Variants in COL9A3 observed in about 807,000 individuals in gnomAD.
COL9A3 encodes collagen alpha-3(IX) chain.
Under a neutral mutation model 110.2 loss-of-function variants are expected in COL9A3, and 82 were observed. The ratio of observed to expected loss-of-function variants is 0.74; its 90% CI spans 0.62 to 0.89. The LOEUF is 0.89. COL9A3 is among the 40% of genes least tolerant of loss of function. The pLI is 0.00. For missense variants in COL9A3, 1,066 were observed against 981.3 expected (o/e 1.09, Z -1.15); for synonymous variants, 494 against 403.8 (o/e 1.22, Z -2.68).
chr20:62,817,046 G>A (rs751309225), upstream of COL9A3: 12 of 1,305,812 alleles, frequency 9.2e-6, no homozygotes, highest in Non-Finnish European at 1.2e-5. Flanking sequence ...CGACGCCGCA[G>A]CTCAGACTCC....
intron 5 of COL9A3, among the ~76,000 whole-genome samples, chr20:62,820,825 G>A (rs2063506924): frequency 6.6e-6 from 1 of 152,190 alleles, no homozygotes; most frequent in Admixed American, 6.5e-5. Flanking sequence ...AAGGCTCTGG[G>A]GCTCGCTGAC....
Position 62,829,706 on chromosome 20 carries a change from C to T in COL9A3, c.1107+25C>T, listed in dbSNP as rs779517816. 5.6e-6 allele frequency: 9 copies of T among 1,602,036 alleles called. No homozygotes were observed. In the South Asian group the frequency reaches 9.0e-5, roughly 16 times the overall value. ...TGTGAGTATCTGCGGCGCCCCAGAC[C>T]CCTCCCCATCCAGCCTGTGTGCAGA... On this transcript the variant is annotated intron_variant, in intron 21 of 31. Coordinates refer to ENST00000649368, the MANE Select transcript of COL9A3 (RefSeq NM_001853.4).
rs2147205679 is a variant in COL9A3, at chr20:62,824,515, G to A, written c.576+14G>A. 6.3e-7 allele frequency: 1 copy of A among 1,581,032 alleles called. No individual in the cohort carries two copies. The highest frequency in any genetic ancestry group is 2.3e-5 in the East Asian group (1 of 43,150). On this transcript the variant is annotated intron_variant, in intron 11 of 31. Coordinates refer to ENST00000649368, the MANE Select transcript of COL9A3 (RefSeq NM_001853.4). ...CCAGGGTTCAAGGTGAGTCACGGGTGACTGGGACCCAAGCACCACCCTGTG... is the reference window on the plus strand; with the variant it reads ...CCAGGGTTCAAGGTGAGTCACGGGTAACTGGGACCCAAGCACCACCCTGTG...
chr20:62,825,158 A>AGGGGCTGGGCTCCGGCGGGGGGGG (rs2063542356), intron 12 of COL9A3, 137 bp downstream of exon 12: 2 of 7,008 alleles, frequency 2.9e-4, no homozygotes. Context: ...GGCGGGAGGG[A>AGGGGCTGGGCTCCGGCGGGGGGGG]GGGGCTGGGC....
At position 62,833,038 on chromosome 20, in the gene COL9A3, G is replaced by C. The variant is rs745504325; in HGVS notation, c.1342G>C (p.Gly448Arg). The C allele has an allele frequency of 6.2e-7, 1 of 1,613,710 alleles. No homozygotes were observed. The highest frequency in any genetic ancestry group is 1.3e-5 in the African/African-American group (1 of 74,912). The change falls in exon 26 of 32, where the codon GGT (glycine) becomes CGT (arginine). Residue 448 changes from glycine (G) to arginine (R), a missense_variant. Gly to Arg is a moderately radical substitution (Grantham distance 125). Transcript: ENST00000649368. ...TTTTCAGGGTATTGCAGGTTCCGAC[G>C]GTCTTCCTGGGGATAAAGGAGAACT... ...KGDQGIAGSDGLPGDKGELGP... is the reference protein window; with the variant it reads ...KGDQGIAGSDRLPGDKGELGP...
At chr20:62,833,878 G>C (rs1278315629) in intron 26 of COL9A3, among the ~76,000 whole-genome samples, 1 of 119,182 alleles carries the variant, frequency 8.4e-6, no homozygotes, top group Non-Finnish European at 1.7e-5. Flanking sequence ...TGTTTTGGGG[G>C]GTTTTGTTTG....
chr20:62,823,047 C>T (rs1049867136), intron 10 of COL9A3, among the ~76,000 whole-genome samples: 1 of 152,028 alleles, frequency 6.6e-6, no homozygotes, highest in African/African-American at 2.4e-5. Flanking sequence ...GAAAAGAAAA[C>T]AGGCTCAGGT....
At chr20:62,817,168 G>A in intron 1 of COL9A3, 26 bp downstream of exon 1, 4 of 1,365,330 alleles carry the variant, frequency 2.9e-6, no homozygotes, top group Non-Finnish European at 3.8e-6. Context: ...GGGCTCTGAG[G>A]CTGGACGTGG....
intron 2 of COL9A3, 133 bp from the exon 3 acceptor site, chr20:62,818,385 C>T: frequency 1.2e-6 from 1 of 865,886 alleles, no homozygotes; most frequent in African/African-American, 1.6e-5. Context: ...ATCGGGGGCT[C>T]AGGGGCCCCT....
At chr20:62,828,882 C>A in intron 18 of COL9A3, 41 bp from the exon 19 acceptor site, 1 of 1,612,320 alleles carries the variant, frequency 6.2e-7, no homozygotes, top group Non-Finnish European at 8.5e-7. Flanking sequence ...CCTCCCGAGG[C>A]CTCAGCCTCC....
Position 62,819,225 on chromosome 20 carries a change from CCAAAGGGGG to C in COL9A3, c.189_197del (p.Lys64_Ala66del). ...TCTGCCCTTTCCTCCTGCACAGGGACCAAAGGGGGCCCCAGGAAAGCCGGGGAAACCAGG... is the reference window on the plus strand; with the variant it reads ...TCTGCCCTTTCCTCCTGCACAGGGACCCCCAGGAAAGCCGGGGAAACCAGG... On this transcript the variant is annotated inframe_deletion, in exon 4 of 32. Transcript: ENST00000649368. 6.2e-7 allele frequency: 1 copy of C among 1,612,690 alleles called. No individual in the cohort carries two copies. Among genetic ancestry groups the C allele is most frequent in the East Asian group, 2.2e-5 (1 of 44,850 alleles).
At chr20:62,823,723 ACCTGTTG>A (rs1277566970) in intron 10 of COL9A3, among the ~76,000 whole-genome samples, 3 of 152,230 alleles carry the variant, frequency 2.0e-5, no homozygotes, top group Non-Finnish European at 2.9e-5. Context: ...TGAGCATCAG[ACCTGTTG>A]CCTGGGCTCA....
chr20:62,827,596 G>A (rs542703782), intron 16 of COL9A3, among the ~76,000 whole-genome samples: 1 of 152,348 alleles, frequency 6.6e-6, no homozygotes, highest in South Asian at 2.1e-4. Flanking sequence ...CTCTCGGGTT[G>A]AGCAAGTGAA....
chr20:62,837,243 G>A lies in COL9A3; in HGVS notation c.1764G>A (p.Glu588=). The change falls in exon 30 of 32, where the codon GAG becomes GAA. Residue 588 remains glutamate (E), a synonymous_variant. Transcript: ENST00000649368. ...CTGGATACCGCGGTCCCACTGGGGAGCTGGGAGACCCCGGGCCCAGAGGTG... is the reference window on the plus strand; with the variant it reads ...CTGGATACCGCGGTCCCACTGGGGAACTGGGAGACCCCGGGCCCAGAGGTG... The part of the protein sequence containing the change: ...GPPGYRGPTG[E]LGDPGPRGNQ... 6.2e-7 allele frequency: 1 copy of A among 1,611,284 alleles called. No individual in the cohort carries two copies. Among genetic ancestry groups the A allele is most frequent in the Non-Finnish European group, 8.5e-7 (1 of 1,179,766 alleles).
intron 3 of COL9A3, 112 bp from the exon 4 acceptor site, chr20:62,819,110 C>G: frequency 9.4e-7 from 1 of 1,067,740 alleles, no homozygotes; most frequent in Non-Finnish European, 1.4e-6. Context: ...GAGAGGGGCC[C>G]ATCCCGTATG....
At chr20:62,820,920 T>G (rs978634304) in intron 5 of COL9A3, among the ~76,000 whole-genome samples, 1 of 152,092 alleles carries the variant, frequency 6.6e-6, no homozygotes, top group African/African-American at 2.4e-5. Context: ...CCGGGTCACT[T>G]CGGTGCCTCT....
rs376284126 is a variant in COL9A3, at chr20:62,830,464, G to A, written c.1215+51G>A. The A allele has an allele frequency of 8.0e-5, 127 of 1,589,134 alleles. No homozygotes were observed. In the East Asian group the frequency reaches 1.6e-3, roughly 21 times the overall value. ...GGCATGGGGGGCGGCACACCCAGACGGGCCAGACCCGACAGGGTATGGGCA... is the reference window on the plus strand; with the variant it reads ...GGCATGGGGGGCGGCACACCCAGACAGGCCAGACCCGACAGGGTATGGGCA... On this transcript the variant is annotated intron_variant, in intron 23 of 31. Transcript: ENST00000649368.
chr20:62,834,584 G>A lies in COL9A3; in HGVS notation c.1369-1337G>A, dbSNP rs533720861. On this transcript the variant is annotated intron_variant, in intron 26 of 31. Transcript: ENST00000649368. ...CTCTGGCAGACCCCCACAGCCCAGT[G>A]TAAACTTTTTATGCCTGGGGACAAA... Among the ~76,000 whole-genome samples the A allele has an allele frequency of 2.0e-5, 3 of 152,322 alleles. No individual in the cohort carries two copies. In the South Asian group the frequency reaches 6.2e-4, roughly 32 times the overall value.
chr20:62,840,124 C>A (rs2063664645), intron 31 of COL9A3, among the ~76,000 whole-genome samples: 1 of 151,982 alleles, frequency 6.6e-6, no homozygotes, highest in Non-Finnish European at 1.5e-5. Context: ...GCTCTGACAC[C>A]CCCCACTTAG....
Sources: allele counts gnomAD v4.1 joint callset (sites outside exome capture counted in the v4.1 genomes callset), GRCh38; gene constraint gnomAD v4.1.1; transcripts MANE v1.5; gene names NCBI Gene and HGNC (gene_info 2026-07-23, HGNC 2026-07-21).